The following COL6A5 variants were observed in gnomAD, a reference collection of about 807,000 sequenced individuals.
COL6A5 encodes the protein collagen type VI alpha 5 chain, also known as collagen alpha-5(VI) chain.
Under a neutral mutation model 65.6 loss-of-function variants are expected in COL6A5, and 48 were observed. That is an observed-to-expected ratio of 0.73 (90% CI 0.58 to 0.93). COL6A5 has a LOEUF of 0.93. COL6A5 is among the 40% of genes least tolerant of loss of function. COL6A5 has a pLI of 0.00. For synonymous variants in COL6A5, 291 were observed against 322.8 expected, an observed-to-expected ratio of 0.90 and a Z score of 1.05; for missense variants, 914 against 928.3, an observed-to-expected ratio of 0.98 and a Z score of 0.20.
intron 6 of COL6A5, among the ~76,000 whole-genome samples, chr3:130,389,857 T>A (rs1936331738): frequency 6.6e-6 from 1 of 152,172 alleles, no homozygotes; most frequent in Admixed American, 6.5e-5. Flanking sequence ...CCTATGTTTT[T>A]AAATCTATCA....
chr3:130,363,571 T>TG (rs1251875244), intron 1 of COL6A5, among the ~76,000 whole-genome samples: 4 of 152,218 alleles, frequency 2.6e-5, no homozygotes, highest in Non-Finnish European at 5.9e-5. Context: ...TGAGTTCTGG[T>TG]GAAATAGTTT....
chr3:130,449,193 G>A (rs76721981), intron 4 of COL6A5, among the ~76,000 whole-genome samples: 4,732 of 152,260 alleles, frequency 0.031, 96 homozygotes, highest in South Asian at 0.073. Flanking sequence ...TAAAGGGATA[G>A]GATTCGGAGG....
In COL6A5 at chr3:130,403,569, G is replaced by T. The variant is rs747789022; in HGVS notation, c.4228-40G>T. The T allele has an allele frequency of 6.6e-6, 10 of 1,515,432 alleles. No homozygotes were observed. The East Asian group carries it at 7.4e-5, about 11-fold the overall frequency. The allele number at this position is 1,515,432 out of a possible 1,614,324, so 93.9% of individuals were successfully genotyped here. ...ATTTCACAAGTTTGACTTTATTGGG[G>T]GGGGGTGACTAAAATGTATTGTTCT... is the stretch of plus-strand genomic sequence containing the variant. On this transcript the variant is annotated intron_variant and NMD_transcript_variant, in intron 12 of 41. Transcript: ENST00000312481.
intron 1 of COL6A5, among the ~76,000 whole-genome samples, chr3:130,346,540 C>T (rs1375708336): frequency 3.3e-5 from 5 of 152,242 alleles, no homozygotes; most frequent in South Asian, 4.1e-4. Context: ...CTGTCCCAAA[C>T]GAAACTGTGA....
intron 25 of COL6A5, among the ~76,000 whole-genome samples, chr3:130,419,451 T>A (rs1367677628): frequency 6.6e-6 from 1 of 152,064 alleles, no homozygotes; most frequent in Admixed American, 6.6e-5. Context: ...TACATAGATA[T>A]CATAGAAAAT....
At chr3:130,409,137 G>A (rs1937094673) in intron 17 of COL6A5, among the ~76,000 whole-genome samples, 189 bp from the exon 18 acceptor site, 1 of 152,156 alleles carries the variant, frequency 6.6e-6, no homozygotes, top group East Asian at 1.9e-4. Context: ...TCTGAGCCTC[G>A]CTACAAATAA....
intron 5 of COL6A5, among the ~76,000 whole-genome samples, chr3:130,461,118 T>G (rs1709693042): frequency 6.6e-6 from 1 of 152,076 alleles, no homozygotes. Context: ...GTGGACTTTT[T>G]GGGGAAATCA....
At chr3:130,452,619 G>A (rs548842311) in intron 4 of COL6A5, among the ~76,000 whole-genome samples, 4 of 152,258 alleles carry the variant, frequency 2.6e-5, no homozygotes, top group East Asian at 1.9e-4. Flanking sequence ...GAGGCAGGGC[G>A]AGATCACAGG....
Position 130,395,145 on chromosome 3 carries a change from G to T in COL6A5, c.3248G>T (p.Arg1083Ile). 4 of 1,551,678 alleles carry T rather than the reference G, an allele frequency of 2.6e-6. No homozygotes were observed. The South Asian group carries it at 4.8e-5, about 18-fold the overall frequency. The stretch of plus-strand genomic sequence containing the variant: ...GTCTCCAAGAGCGGTGGATTTCCAA[G>T]AATTGACTTTGCCCTTAAAAAAGTG... Residue 1083 changes from arginine (R) to isoleucine (I), a missense_variant and NMD_transcript_variant, in exon 8 of 42, where the codon AGA becomes ATA. Coordinates refer to the COL6A5 transcript ENST00000312481.
rs185166106 is a variant in COL6A5, at chr3:130,351,239, G to A, written c.-29+5258G>A. On this transcript the variant is annotated intron_variant and NMD_transcript_variant, in intron 1 of 41. Coordinates refer to the COL6A5 transcript ENST00000312481. Reference sequence around the variant, plus strand: ...AAGAAAACCTAGGCAATACCATTCAGGACATAGGCATGGGCAAGGACTTCT... The same window carrying A: ...AAGAAAACCTAGGCAATACCATTCAAGACATAGGCATGGGCAAGGACTTCT... 3.1e-3 allele frequency among the ~76,000 whole-genome samples: 469 copies of A among 152,288 alleles called. 2 individuals carry two copies. The highest frequency in any genetic ancestry group is 0.011 in the African/African-American group (440 of 41,554).
chr3:130,450,152 G>T (rs556512150), intron 4 of COL6A5, among the ~76,000 whole-genome samples: 3 of 152,092 alleles, frequency 2.0e-5, no homozygotes, highest in African/African-American at 7.2e-5. Context: ...TGGGGGTTGC[G>T]TTGGGACCGC....
chr3:130,380,321 T>A (rs1216779881), intron 4 of COL6A5, among the ~76,000 whole-genome samples: 1 of 152,156 alleles, frequency 6.6e-6, no homozygotes, highest in Non-Finnish European at 1.5e-5. Flanking sequence ...ATTGTAATAG[T>A]ATGGCTTGAC....
At chr3:130,472,757 G>A (rs1709984810) in intron 7 of COL6A5, among the ~76,000 whole-genome samples, 1 of 142,744 alleles carries the variant, frequency 7.0e-6, no homozygotes, top group Non-Finnish European at 1.5e-5. Context: ...ATAAATTTTG[G>A]GACATTTATA....
At chr3:130,450,931 C>G (rs527304930) in intron 4 of COL6A5, among the ~76,000 whole-genome samples, 25 of 152,234 alleles carry the variant, frequency 1.6e-4, no homozygotes, top group African/African-American at 5.8e-4. Flanking sequence ...TTCGATTTAG[C>G]TGAGCCTGCA....
chr3:130,422,607 C>A, intron 27 of COL6A5, 113 bp from the exon 28 acceptor site: 1 of 662,920 alleles, frequency 1.5e-6, no homozygotes, highest in South Asian at 1.9e-5. Context: ...TATTGGCCTT[C>A]ATTAATGTAT....
intron 1 of COL6A5, among the ~76,000 whole-genome samples, chr3:130,434,878 T>C (rs2107697578): frequency 6.6e-6 from 1 of 152,214 alleles, no homozygotes; most frequent in East Asian, 1.9e-4. Flanking sequence ...ATTTTCTCCA[T>C]TTCTGTAGGT....
intron 6 of COL6A5, among the ~76,000 whole-genome samples, chr3:130,389,642 C>G (rs527562743): frequency 1.3e-5 from 2 of 151,800 alleles, no homozygotes; most frequent in African/African-American, 4.8e-5. Flanking sequence ...CCTCTATCAA[C>G]TGGATATTTT....
At chr3:130,383,478 A>G (rs1936076439) in intron 4 of COL6A5, among the ~76,000 whole-genome samples, 1 of 152,060 alleles carries the variant, frequency 6.6e-6, no homozygotes, top group African/African-American at 2.4e-5. Context: ...AGATATATAA[A>G]TTAATGCATT....
At chr3:130,395,421 A>T (rs2107657486) in exon 8 of COL6A5, 1 of 1,545,768 alleles carries the variant, frequency 6.5e-7, no homozygotes, top group East Asian at 2.4e-5. Flanking sequence ...GTGGATGTGA[A>T]AAAAAGAATC....
Sources: gnomAD v4.1 joint callset for allele counts (sites outside exome capture counted in the v4.1 genomes callset) on GRCh38, gnomAD v4.1.1 for gene constraint, MANE v1.5 for transcripts, NCBI Gene and HGNC (gene_info 2026-07-23, HGNC 2026-07-21) for gene names.